IGF2BP1: variants seen among roughly 807,000 people sequenced by gnomAD.
IGF2BP1 encodes insulin-like growth factor 2 mRNA-binding protein 1.
A neutral mutation model predicts 74.9 loss-of-function variants in IGF2BP1; 11 were observed. The ratio of observed to expected loss-of-function variants is 0.15; its 90% confidence interval spans 0.09 to 0.24. The LOEUF is 0.24. Among genes scored for constraint, IGF2BP1 ranks in the 10% least tolerant of loss-of-function variants. The probability of loss-of-function intolerance (pLI) is 1.00; values close to 1 mark genes in which losing one functional copy is unlikely to be tolerated. For missense variants in IGF2BP1, 440 were observed against 757.4 expected (o/e 0.58, Z 4.92); for synonymous variants, 287 against 281.8 (o/e 1.02, Z -0.18).
rs1035499891 is a variant in IGF2BP1, at chr17:49,049,824, A to G, written c.*380A>G. ...GAGGTGTTTTAATCAGCCTTAAAGG[A>G]TGGTTCATTTCTTGACCTTAATGTT... On this transcript the variant is annotated 3_prime_UTR_variant, in exon 15 of 15. Transcript: ENST00000290341. 1.9e-5 allele frequency: 3 copies of G among 162,110 alleles called. No individual in the cohort carries two copies. The highest frequency in any genetic ancestry group is 4.8e-5 in the African/African-American group (2 of 41,750). 10.0% of individuals were successfully genotyped at this position (162,110 alleles called of 1,614,324 possible).
At chr17:49,020,736 T>TTA (rs1469920420) in intron 2 of IGF2BP1, among the ~76,000 whole-genome samples, 1 of 152,198 alleles carries the variant, frequency 6.6e-6, no homozygotes, top group African/African-American at 2.4e-5. Context: ...CTATAATTCT[T>TTA]TAAGCTATTA....
chr17:49,026,703 GCC>G, intron 4 of IGF2BP1, among the ~76,000 whole-genome samples, 186 bp downstream of exon 4: 1 of 132,640 alleles, frequency 7.5e-6, no homozygotes, highest in South Asian at 2.5e-4. Context: ...CTGCCTTCCT[GCC>G]TTCCTGCCTT....
At chr17:49,008,238 TTGG>T (rs1335087182) in intron 2 of IGF2BP1, among the ~76,000 whole-genome samples, 2 of 151,940 alleles carry the variant, frequency 1.3e-5, no homozygotes, top group Admixed American at 1.3e-4. Flanking sequence ...GATATGGCTG[TTGG>T]TGGCTGCAGC....
chr17:48,997,880 G>A lies in IGF2BP1; in HGVS notation c.135G>A (p.Pro45=). ...VKSGYAFVDC[P]DEHWAMKAIE... ...CCGGCTACGCCTTCGTGGACTGCCC[G>A]GACGAGCACTGGGCGATGAAGGCCA... is the stretch of plus-strand genomic sequence containing the variant. Residue 45 remains proline, a synonymous_variant, in exon 1 of 15, where the codon CCG becomes CCA. Transcript: ENST00000290341. This position sits in a 1 kb window ranked among gnomAD's most constrained non-coding sequence, Gnocchi z 4.8. The A allele has an allele frequency of 6.2e-7, 1 of 1,614,052 alleles. No homozygotes were observed. The highest frequency in any genetic ancestry group is 8.5e-7 in the Non-Finnish European group (1 of 1,179,984).
At position 49,031,987 on chromosome 17, in the gene IGF2BP1, G is replaced by A; in HGVS notation, c.401+14G>A. On this transcript the variant is annotated intron_variant, in intron 5 of 14. Transcript: ENST00000290341. ...GCAGACCAGGCAGTGAGTGGGCTGG[G>A]AAGTGGGGCTGGGTGCGGTGGGGGG... 6.8e-7 allele frequency: 1 copy of A among 1,479,448 alleles called. No homozygotes were observed. The highest frequency in any genetic ancestry group is 9.4e-7 in the Non-Finnish European group (1 of 1,065,718). The allele number at this position is 1,479,448 out of a possible 1,614,324, so 91.6% of individuals were successfully genotyped here. A position where few individuals can be genotyped will look rare whatever the true frequency, so the allele number is the denominator to read the frequency against.
rs2144173366 is a variant in IGF2BP1 at position 49,051,780 on chromosome 17, C to T, written c.*2336C>T. 2.0e-5 allele frequency: 3 copies of T among 152,198 alleles called. No individual in the cohort carries two copies. The South Asian group carries it at 6.2e-4, about 32-fold the overall frequency. The allele number at this position is 152,198 out of a possible 1,614,324, so 9.4% of individuals were successfully genotyped here. On this transcript the variant is annotated 3_prime_UTR_variant, in exon 15 of 15. Coordinates refer to ENST00000290341, the MANE Select transcript of IGF2BP1 (RefSeq NM_006546.4). ...TTCCGTTCGTGGAAAAAAGACAAGG[C>T]CACCCTCTCGCCCTCAGAGAGGTCC...
chr17:48,997,636 G>A lies in IGF2BP1; in HGVS notation c.-110G>A, dbSNP rs2041422968. ...ACTTCTGGGGTGGGGTGCAAAGAAA[G>A]TTTGCGGCTCCTGCCGCCGGCCTCT... is the stretch of plus-strand genomic sequence containing the variant. On this transcript the variant is annotated 5_prime_UTR_variant, in exon 1 of 15. Transcript: ENST00000290341. The surrounding 1 kb of genome is among the most constrained non-coding windows in gnomAD (Gnocchi z 4.8). 5.7e-6 allele frequency: 7 copies of A among 1,234,284 alleles called. No homozygotes were observed. Among genetic ancestry groups the A allele is most frequent in the Non-Finnish European group, 6.8e-6 (6 of 884,606 alleles). 76.5% of individuals were successfully genotyped at this position (1,234,284 alleles called of 1,614,324 possible). A position where few individuals can be genotyped will look rare whatever the true frequency, so the allele number is the denominator to read the frequency against.
chr17:49,037,676 C>T (rs8073244), intron 5 of IGF2BP1, among the ~76,000 whole-genome samples: 28,335 of 152,158 alleles, frequency 0.19, 2,816 homozygotes, highest in African/African-American at 0.25. Context: ...ACCTTGGTTT[C>T]ATCATCTCTA....
rs1377751883 is a variant in IGF2BP1, at chr17:49,044,011, G to C, written c.1245G>C (p.Gln415His). 6.2e-7 allele frequency: 1 copy of C among 1,614,132 alleles called. No individual in the cohort carries two copies. The highest frequency in any genetic ancestry group is 1.7e-4 in the Middle Eastern group (1 of 6,058). The change falls in exon 11 of 15, where the codon CAG (glutamine) becomes CAC (histidine). Residue 415 changes from glutamine (Q) to histidine (H), a missense_variant. Around this residue, in one of 5 missense-constraint regions of IGF2BP1, gnomAD observed 117 missense variants for 237.2 expected, o/e 0.49. Coordinates refer to ENST00000290341, the MANE Select transcript of IGF2BP1 (RefSeq NM_006546.4). ...QEMVQVFIPAQAVGAIIGKKG... is the reference protein window; with the variant it reads ...QEMVQVFIPAHAVGAIIGKKG... ...TGGTGCAGGTGTTTATCCCCGCCCA[G>C]GCAGTGGGCGCCATCATCGGCAAGA...
intron 11 of IGF2BP1, 89 bp downstream of exon 11, chr17:49,044,175 C>A: frequency 3.3e-6 from 5 of 1,509,436 alleles, no homozygotes. Context: ...TCCCCCTACT[C>A]ATTTGAGAAT....
chr17:48,998,058 A>C (rs2041430224), intron 1 of IGF2BP1, 138 bp downstream of exon 1: 4 of 820,458 alleles, frequency 4.9e-6, no homozygotes, highest in Non-Finnish European at 7.3e-6. Flanking sequence ...CCCTCGACCT[A>C]CCCCCTTCGA....
chr17:49,027,877 AAAAAG>A (rs2041877088), intron 4 of IGF2BP1, among the ~76,000 whole-genome samples: 1 of 149,676 alleles, frequency 6.7e-6, no homozygotes, highest in African/African-American at 2.5e-5. Flanking sequence ...AAAAAAAAAA[AAAAAG>A]TTTGCCGGCT....
chr17:49,004,007 C>CGCT (rs1371018085), intron 2 of IGF2BP1, among the ~76,000 whole-genome samples: 1 of 152,088 alleles, frequency 6.6e-6, no homozygotes, highest in Non-Finnish European at 1.5e-5. Flanking sequence ...GTGGCGGCGG[C>CGCT]GCTGCAGGCT....
chr17:49,038,645 GGGGTGCTA>G (rs1383184979), intron 6 of IGF2BP1, among the ~76,000 whole-genome samples, 196 bp downstream of exon 6: 6 of 152,088 alleles, frequency 3.9e-5, no homozygotes, highest in Admixed American at 3.3e-4. Context: ...GAATGGGTCT[GGGGTGCTA>G]GGCCACACAC....
intron 4 of IGF2BP1, among the ~76,000 whole-genome samples, chr17:49,031,346 G>T (rs913270533): frequency 1.3e-5 from 2 of 151,982 alleles, no homozygotes; most frequent in Non-Finnish European, 2.9e-5. Context: ...CAAATGATCT[G>T]CCTGCCTCTG....
rs2042145585 is a variant in IGF2BP1, at chr17:49,049,561, A to C, written c.*117A>C. On this transcript the variant is annotated 3_prime_UTR_variant, in exon 15 of 15. Coordinates refer to ENST00000290341, the MANE Select transcript of IGF2BP1 (RefSeq NM_006546.4). ...CCGGGACACCTGGGCCGGGCTGTAGATCAGGTTTGCCCACTTGATTGAGAA... is the reference window on the plus strand; with the variant it reads ...CCGGGACACCTGGGCCGGGCTGTAGCTCAGGTTTGCCCACTTGATTGAGAA... 3.7e-6 allele frequency: 3 copies of C among 808,224 alleles called. No individual in the cohort carries two copies. The highest frequency in any genetic ancestry group is 3.4e-5 in the African/African-American group (2 of 58,770). The allele number at this position is 808,224 out of a possible 1,614,324, so 50.1% of individuals were successfully genotyped here.
Position 49,038,158 on chromosome 17 carries a change from C to T in IGF2BP1, c.402-10C>T, listed in dbSNP as rs1353444517. On this transcript the variant is annotated splice_polypyrimidine_tract_variant and intron_variant, in intron 5 of 14. Coordinates refer to ENST00000290341, the MANE Select transcript of IGF2BP1 (RefSeq NM_006546.4). Reference sequence around the variant, plus strand: ...TTGGAATGACCTGTAGACTCTCACTCTGTCCCCAGAGCCATCATGAAGCTG... The same window carrying T: ...TTGGAATGACCTGTAGACTCTCACTTTGTCCCCAGAGCCATCATGAAGCTG... The T allele has an allele frequency of 2.0e-6, 3 of 1,483,904 alleles. No individual in the cohort carries two copies. Among genetic ancestry groups the T allele is most frequent in the East Asian group, 2.4e-5 (1 of 40,914 alleles). 91.9% of individuals were successfully genotyped at this position (1,483,904 alleles called of 1,614,324 possible). A position where few individuals can be genotyped will look rare whatever the true frequency, so the allele number is the denominator to read the frequency against.
In IGF2BP1 at chr17:49,043,319, T is replaced by C. The variant is rs2042073149; in HGVS notation, c.1078-109T>C. The C allele has an allele frequency of 3.2e-6, 4 of 1,234,880 alleles. No individual in the cohort carries two copies. The East Asian group carries it at 9.3e-5, about 29-fold the overall frequency. The allele number at this position is 1,234,880 out of a possible 1,614,324, so 76.5% of individuals were successfully genotyped here. ...CTTTTGTGGAAAAGTATGTAATTCATGTTTTTGGCCCACTTGCCTCTGGGG... is the reference window on the plus strand; with the variant it reads ...CTTTTGTGGAAAAGTATGTAATTCACGTTTTTGGCCCACTTGCCTCTGGGG... On this transcript the variant is annotated intron_variant, in intron 9 of 14. Coordinates refer to ENST00000290341, the MANE Select transcript of IGF2BP1 (RefSeq NM_006546.4).
At chr17:49,043,580 C>T (rs1467560672) in intron 10 of IGF2BP1, 30 bp downstream of exon 10, 1 of 1,610,728 alleles carries the variant, frequency 6.2e-7, no homozygotes, top group East Asian at 2.2e-5. Context: ...ACACGGGATC[C>T]CTGGGCCCAT....
Sources: allele counts gnomAD v4.1 joint callset (sites outside exome capture counted in the v4.1 genomes callset), GRCh38; gene constraint gnomAD v4.1.1; regional missense constraint gnomAD v4.1.1; non-coding constraint Gnocchi (gnomAD v3.1); transcripts MANE v1.5; gene names NCBI Gene and HGNC (gene_info 2026-07-23, HGNC 2026-07-21).